Variants in TWIST2 observed in about 807,000 individuals in gnomAD.
TWIST2 encodes twist family bHLH transcription factor 2, also known as twist-related protein 2.
TWIST2 carries 1 observed loss-of-function variant against 11.6 expected under a neutral mutation model. The observed-to-expected ratio is 0.09, with a 90% CI of 0.03 to 0.41. The LOEUF (loss-of-function observed/expected upper bound fraction) is 0.41. Among genes scored for constraint, TWIST2 ranks in the 10% least tolerant of loss-of-function variants. TWIST2 has a pLI of 0.98. For synonymous variants in TWIST2, 87 were observed against 96.6 expected, an observed-to-expected ratio of 0.90 and a Z score of 0.58; for missense variants, 168 against 226.4, an observed-to-expected ratio of 0.74 and a Z score of 1.66.
chr2:238,883,588 AG>A, intron 1 of TWIST2, among the ~76,000 whole-genome samples: 1 of 152,204 alleles, frequency 6.6e-6, no homozygotes, highest in East Asian at 1.9e-4. Flanking sequence ...TAGAAGGAGA[AG>A]GATGGGGATT....
Position 238,880,773 on chromosome 2 carries a change from CAGTGTTAGTATT to C in TWIST2, c.*36-29059_*36-29048del, listed in dbSNP as rs998873562. ...TTGGTGTTAATATTAGCATTAGTGT[CAGTGTTAGTATT>C]AGTGTTAGTGTTAGTATTTATTAGT... On this transcript the variant is annotated intron_variant, in intron 1 of 1. Coordinates refer to ENST00000612363, the MANE Select transcript of TWIST2 (RefSeq NM_001271893.4). 1.1e-4 allele frequency among the ~76,000 whole-genome samples: 12 copies of C among 114,100 alleles called. 3 individuals carry two copies. The highest frequency in any genetic ancestry group is 2.1e-4 in the Non-Finnish European group (12 of 56,412). 74.9% of individuals were successfully genotyped at this position (114,100 alleles called of 152,430 possible).
chr2:238,873,828 G>T (rs1692756143), intron 1 of TWIST2, among the ~76,000 whole-genome samples: 1 of 152,184 alleles, frequency 6.6e-6, no homozygotes, highest in Admixed American at 6.5e-5. Context: ...GCCTTTGTTT[G>T]TGTCTTGCTC....
At position 238,848,339 on chromosome 2, in the gene TWIST2, G is replaced by A; in HGVS notation, c.124G>A (p.Asp42Asn). 1.3e-6 allele frequency: 2 copies of A among 1,534,822 alleles called. No individual in the cohort carries two copies. The highest frequency in any genetic ancestry group is 3.9e-5 in the Admixed American group (2 of 50,948). The change falls in exon 1 of 2, where the codon GAT becomes AAT. Residue 42 changes from aspartate to asparagine, a missense_variant. Coordinates refer to ENST00000612363, the MANE Select transcript of TWIST2 (RefSeq NM_001271893.4). ...KRRYSKKSSE[D>N]GSPTPGKRGK... ...GCGCTACAGCAAGAAGTCGAGCGAA[G>A]ATGGCAGCCCGACCCCGGGCAAGCG...
chr2:238,902,958 T>G (rs1693293047), intron 1 of TWIST2, among the ~76,000 whole-genome samples: 2 of 16,286 alleles, frequency 1.2e-4, no homozygotes, highest in African/African-American at 2.9e-4. Flanking sequence ...GTGTGAGGTG[T>G]GTGTGATGTG....
At chr2:238,857,887 A>C (rs1309638149) in intron 1 of TWIST2, among the ~76,000 whole-genome samples, 2 of 152,174 alleles carry the variant, frequency 1.3e-5, no homozygotes, top group Non-Finnish European at 2.9e-5. Context: ...CAGTGAGCTG[A>C]GATCGCGCCA....
At chr2:238,872,329 AG>A (rs1209954015) in intron 1 of TWIST2, among the ~76,000 whole-genome samples, 1 of 152,204 alleles carries the variant, frequency 6.6e-6, no homozygotes, top group African/African-American at 2.4e-5. Flanking sequence ...ATGCCAGTGT[AG>A]GGGGATTGCA....
At chr2:238,856,101 A>C (rs1315347741) in intron 1 of TWIST2, among the ~76,000 whole-genome samples, 1 of 152,020 alleles carries the variant, frequency 6.6e-6, no homozygotes, top group Non-Finnish European at 1.5e-5. Context: ...TGCATCCAGG[A>C]CTGGCGTTTT....
intron 1 of TWIST2, among the ~76,000 whole-genome samples, chr2:238,895,972 A>G (rs1693202072): frequency 6.6e-6 from 1 of 152,180 alleles, no homozygotes; most frequent in Admixed American, 6.5e-5. Flanking sequence ...TGAGGGAGAG[A>G]GACAGCCTGG....
intron 1 of TWIST2, among the ~76,000 whole-genome samples, chr2:238,860,358 C>T (rs1336182432): frequency 6.6e-6 from 1 of 152,198 alleles, no homozygotes; most frequent in African/African-American, 2.4e-5. Flanking sequence ...TTACATGCTC[C>T]TCAGCCACCT....
At chr2:238,902,670 GAT>G (rs1410519184) in intron 1 of TWIST2, among the ~76,000 whole-genome samples, 2 of 142,700 alleles carry the variant, frequency 1.4e-5, no homozygotes, top group Non-Finnish European at 1.5e-5. Flanking sequence ...ATGTGTGTGT[GAT>G]GTGGGGTGTG....
rs899229395 is a variant in TWIST2 at position 238,910,225 on chromosome 2, A to C, written c.*419A>C. 6 of 152,016 alleles carry C rather than the reference A, an allele frequency of 3.9e-5. No homozygotes were observed. Among genetic ancestry groups the C allele is most frequent in the African/African-American group, 1.5e-4 (6 of 41,344 alleles). The allele number at this position is 152,016 out of a possible 1,614,324, so 9.4% of individuals were successfully genotyped here. A position where few individuals can be genotyped will look rare whatever the true frequency, so the allele number is the denominator to read the frequency against. On this transcript the variant is annotated 3_prime_UTR_variant, in exon 2 of 2. Coordinates refer to ENST00000612363, the MANE Select transcript of TWIST2 (RefSeq NM_001271893.4). ...TTTTTAATGTCTATTTTTTTAATAA[A>C]ACAGAAATGCATTCTTGTACAATTC... is the stretch of plus-strand genomic sequence containing the variant.
intron 1 of TWIST2, among the ~76,000 whole-genome samples, chr2:238,899,613 C>T (rs1693245043): frequency 6.6e-6 from 1 of 152,232 alleles, no homozygotes; most frequent in South Asian, 2.1e-4. Context: ...TGCACACACC[C>T]CTCTCTGTGC....
chr2:238,860,160 C>T (rs961708298), intron 1 of TWIST2, among the ~76,000 whole-genome samples: 1 of 152,182 alleles, frequency 6.6e-6, no homozygotes, highest in Non-Finnish European at 1.5e-5. Flanking sequence ...GGCTCAGAGG[C>T]CCTCAAGGGG....
chr2:238,871,160 ACC>A (rs1692686743), intron 1 of TWIST2, among the ~76,000 whole-genome samples: 1 of 13,798 alleles, frequency 7.2e-5, no homozygotes, highest in African/African-American at 3.0e-4. Flanking sequence ...CACACCACAC[ACC>A]CCACACACAC....
intron 1 of TWIST2, among the ~76,000 whole-genome samples, chr2:238,902,259 A>G (rs1693276395): frequency 6.8e-6 from 1 of 146,542 alleles, no homozygotes. Context: ...AGGAGTTTGT[A>G]TGAATTGGGG....
At chr2:238,868,836 C>T (rs574130622) in intron 1 of TWIST2, among the ~76,000 whole-genome samples, 64 of 152,344 alleles carry the variant, frequency 4.2e-4, no homozygotes, top group Non-Finnish European at 8.4e-4. Context: ...GGGAGCGCTG[C>T]GTGCCGGCCG....
At chr2:238,895,092 C>T (rs1693191981) in intron 1 of TWIST2, among the ~76,000 whole-genome samples, 2 of 152,242 alleles carry the variant, frequency 1.3e-5, no homozygotes, top group Non-Finnish European at 2.9e-5. Flanking sequence ...TTTTCGTTCG[C>T]TGCTGCTGCT....
intron 1 of TWIST2, among the ~76,000 whole-genome samples, chr2:238,908,766 GTTTGTGTATGAGGTGTGTATGGACAGT>G (rs1693400065): frequency 1.3e-5 from 2 of 150,020 alleles, no homozygotes; most frequent in African/African-American, 2.5e-5. Flanking sequence ...TGTGGTATGT[GTTTGTGTATGAGGTGTGTATGGACAGT>G]GGGATGCGTG....
chr2:238,905,062 G>C (rs1693325226), intron 1 of TWIST2, among the ~76,000 whole-genome samples: 1 of 152,116 alleles, frequency 6.6e-6, no homozygotes, highest in African/African-American at 2.4e-5. Context: ...GTGGCTGGCT[G>C]GGTGGGCAGG....
Sources: allele counts gnomAD v4.1 joint callset (sites outside exome capture counted in the v4.1 genomes callset), GRCh38; gene constraint gnomAD v4.1.1; transcripts MANE v1.5; gene names NCBI Gene and HGNC (gene_info 2026-07-23, HGNC 2026-07-21).